PGM5: variants seen among roughly 807,000 people sequenced by gnomAD.
The protein encoded by PGM5 is phosphoglucomutase-like protein 5.
PGM5 carries 23 observed loss-of-function variants against 59.2 expected under a neutral mutation model. The observed-to-expected ratio is 0.39, with a 90% CI of 0.28 to 0.55. The LOEUF is 0.55. Among genes scored for constraint, PGM5 ranks in the 20% least tolerant of loss-of-function variants. The pLI is 0.66. For missense variants in PGM5, 574 were observed against 748.3 expected, an observed-to-expected ratio of 0.77 and a Z score of 2.72; for synonymous variants, 214 against 286.0, an observed-to-expected ratio of 0.75 and a Z score of 2.54.
intron 1 of PGM5, among the ~76,000 whole-genome samples, chr9:68,375,942 G>A (rs535031550): frequency 5.3e-5 from 8 of 152,344 alleles, no homozygotes; most frequent in African/African-American, 1.9e-4. Flanking sequence ...GCCGGATCAT[G>A]TTTGGTATGT....
At chr9:68,401,926 T>C (rs1822681033) in intron 6 of PGM5, among the ~76,000 whole-genome samples, 1 of 52,438 alleles carries the variant, frequency 1.9e-5, no homozygotes, top group Non-Finnish European at 3.9e-5. Flanking sequence ...TGTGTGTGTG[T>C]GTGTATATAT....
chr9:68,513,880 C>T (rs10868961), intron 10 of PGM5, among the ~76,000 whole-genome samples: 11,047 of 152,176 alleles, frequency 0.073, 721 homozygotes, highest in East Asian at 0.33. Context: ...TGAATCAAGC[C>T]GCTGGCTCTG....
At chr9:68,528,679 A>G (rs1208813014) in intron 10 of PGM5, among the ~76,000 whole-genome samples, 5 of 152,372 alleles carry the variant, frequency 3.3e-5, no homozygotes, top group South Asian at 4.1e-4. Context: ...ATTCAGTGAC[A>G]TTACATTCTA....
intron 6 of PGM5, among the ~76,000 whole-genome samples, chr9:68,435,431 C>A (rs1210870240): frequency 6.6e-6 from 1 of 152,150 alleles, no homozygotes; most frequent in Non-Finnish European, 1.5e-5. Flanking sequence ...ACATCCATCA[C>A]CTCTCCATCC....
chr9:68,479,948 A>G (rs1554687012), intron 8 of PGM5, among the ~76,000 whole-genome samples: 2 of 150,736 alleles, frequency 1.3e-5, no homozygotes, highest in African/African-American at 4.9e-5. Flanking sequence ...AAAAGGAGGC[A>G]TCTTCCCAGA....
At chr9:68,419,562 G>A (rs552421225) in intron 6 of PGM5, among the ~76,000 whole-genome samples, 250 of 152,250 alleles carry the variant, frequency 1.6e-3, no homozygotes, top group South Asian at 3.5e-3. Flanking sequence ...TTAGGGGTCC[G>A]GGGAAAGAAA....
chr9:68,404,878 T>C (rs1554680971), intron 6 of PGM5: 1 of 152,192 alleles, frequency 6.6e-6, no homozygotes, highest in East Asian at 1.9e-4. Flanking sequence ...GCAAAAGGAA[T>C]GTGTTGGCCC....
chr9:68,493,027 G>A (rs987886302), intron 9 of PGM5, among the ~76,000 whole-genome samples: 4 of 152,110 alleles, frequency 2.6e-5, no homozygotes, highest in Non-Finnish European at 5.9e-5. Flanking sequence ...TGCCTGCTGT[G>A]GCCAACTGAC....
chr9:68,414,215 G>A (rs555968098), intron 6 of PGM5, among the ~76,000 whole-genome samples: 15 of 152,152 alleles, frequency 9.9e-5, no homozygotes, highest in East Asian at 7.7e-4. Flanking sequence ...CAGGCTTCCC[G>A]TATAGCCCGC....
intron 6 of PGM5, among the ~76,000 whole-genome samples, chr9:68,441,034 A>G (rs1157695701): frequency 6.6e-6 from 1 of 152,130 alleles, no homozygotes; most frequent in African/African-American, 2.4e-5. Context: ...ACAACTCTTC[A>G]TGAATAAATT....
At chr9:68,503,474 T>C (rs1233515881) in intron 10 of PGM5, among the ~76,000 whole-genome samples, 1 of 152,240 alleles carries the variant, frequency 6.6e-6, no homozygotes, top group African/African-American at 2.4e-5. Context: ...ACTGAATGTG[T>C]ATCTCTTTCA....
At chr9:68,367,101 A>G (rs1332185848) in intron 1 of PGM5, among the ~76,000 whole-genome samples, 1 of 152,064 alleles carries the variant, frequency 6.6e-6, no homozygotes, top group Non-Finnish European at 1.5e-5. Context: ...ACTCACACTC[A>G]TGCACACACA....
chr9:68,520,366 G>A (rs1489587866), intron 10 of PGM5, among the ~76,000 whole-genome samples: 1 of 151,830 alleles, frequency 6.6e-6, no homozygotes, highest in Admixed American at 6.6e-5. Flanking sequence ...AGATGAAAAT[G>A]TAAGAAGAAA....
At chr9:68,473,906 A>T (rs1437329413) in intron 7 of PGM5, among the ~76,000 whole-genome samples, 3 of 152,068 alleles carry the variant, frequency 2.0e-5, no homozygotes, top group Admixed American at 2.0e-4. Flanking sequence ...GAGCAAGGCC[A>T]GGGCCGTGAA....
At chr9:68,449,187 C>T (rs1823658483) in intron 6 of PGM5, among the ~76,000 whole-genome samples, 1 of 152,212 alleles carries the variant, frequency 6.6e-6, no homozygotes, top group Non-Finnish European at 1.5e-5. Context: ...GAACTAATCA[C>T]CTCCCAAAGC....
rs113568409 is a variant in PGM5, at chr9:68,463,182, G to GTT, written c.1044-1898_1044-1897dup. On this transcript the variant is annotated intron_variant, in intron 6 of 10. Transcript: ENST00000396396. ...CTTCCCATGGCAAGAGTTTCTAGATGTTTTTTTTTTTTTTCCTTATTTGAC... is the reference window on the plus strand; with the variant it reads ...CTTCCCATGGCAAGAGTTTCTAGATGTTTTTTTTTTTTTTTTCCTTATTTGAC... Among the ~76,000 whole-genome samples, 629 of 140,096 alleles carry GTT rather than the reference G, an allele frequency of 4.5e-3. 2 individuals are homozygous for GTT. The highest frequency in any genetic ancestry group is 0.011 in the Middle Eastern group (3 of 268). The allele number at this position is 140,096 out of a possible 152,430, so 91.9% of individuals were successfully genotyped here.
In PGM5 at chr9:68,517,897, C is replaced by A. The variant is rs1022756964; in HGVS notation, c.1615-11670C>A. 3.3e-5 allele frequency among the ~76,000 whole-genome samples: 5 copies of A among 152,216 alleles called. No individual in the cohort carries two copies. In the East Asian group the frequency reaches 9.6e-4, roughly 29 times the overall value. On this transcript the variant is annotated intron_variant, in intron 10 of 10. Coordinates refer to ENST00000396396, the MANE Select transcript of PGM5 (RefSeq NM_021965.4). The stretch of plus-strand genomic sequence containing the variant: ...AACAAGAACAGGAAAAGGGTTGGCA[C>A]TCAGGAAAATGAGCCAAAGCTCTTT...
At chr9:68,413,290 A>C (rs1340737861) in intron 6 of PGM5, among the ~76,000 whole-genome samples, 4 of 152,050 alleles carry the variant, frequency 2.6e-5, no homozygotes, top group Non-Finnish European at 4.4e-5. Context: ...TTCTCACCCT[A>C]AATTCTGCCT....
chr9:68,483,349 G>A (rs1367729920), intron 8 of PGM5, among the ~76,000 whole-genome samples: 1 of 152,228 alleles, frequency 6.6e-6, no homozygotes, highest in Non-Finnish European at 1.5e-5. Context: ...TTCTAATGGT[G>A]ACAGTGGGTT....
Sources: gnomAD v4.1 joint callset for allele counts (sites outside exome capture counted in the v4.1 genomes callset) on GRCh38, gnomAD v4.1.1 for gene constraint, MANE v1.5 for transcripts, NCBI Gene and HGNC (gene_info 2026-07-23, HGNC 2026-07-21) for gene names.